CDKL1: variants seen among roughly 807,000 people sequenced by gnomAD.
CDKL1 encodes the protein cyclin-dependent kinase-like 1.
In CDKL1, 41 loss-of-function variants were observed where a neutral mutation model predicts 42.0. The observed-to-expected ratio is 0.98, with a 90% CI of 0.76 to 1.27. The LOEUF (loss-of-function observed/expected upper bound fraction) is 1.27. Ranked by LOEUF, CDKL1 falls within the 50% of genes most tolerant of loss-of-function variation. CDKL1 has a pLI of 0.00. For missense variants in CDKL1, 394 were observed against 428.4 expected, an observed-to-expected ratio of 0.92 and a Z score of 0.71; for synonymous variants, 153 against 158.6, an observed-to-expected ratio of 0.96 and a Z score of 0.26.
chr14:50,350,083 C>CT (rs1329507095), intron 3 of CDKL1, among the ~76,000 whole-genome samples: 4 of 152,046 alleles, frequency 2.6e-5, no homozygotes, highest in South Asian at 2.1e-4. Context: ...TTGGCCAATA[C>CT]TTTTTTTGCA....
Position 50,327,651 on chromosome 14 carries a change from G to C in CDKL1, c.*2423C>G, listed in dbSNP as rs2032760930. 1.3e-5 allele frequency: 2 copies of C among 151,982 alleles called. No individual in the cohort carries two copies. The highest frequency in any genetic ancestry group is 1.3e-4 in the Admixed American group (2 of 15,246). 9.4% of individuals were successfully genotyped at this position (151,982 alleles called of 1,614,324 possible). A position where few individuals can be genotyped will look rare whatever the true frequency, so the allele number is the denominator to read the frequency against. On this transcript the variant is annotated 3_prime_UTR_variant, in exon 10 of 10. Transcript: ENST00000395834. ...AGCTAATTTTTGTACTTTTAGTAGA[G>C]ACAGGGTTTCACCATCTTGGCCAGA... is the stretch of plus-strand genomic sequence containing the variant.
intron 2 of CDKL1, among the ~76,000 whole-genome samples, chr14:50,362,577 A>G (rs971280717): frequency 1.3e-5 from 2 of 152,080 alleles, no homozygotes; most frequent in Admixed American, 1.3e-4. Context: ...AAATACACCA[A>G]TCAGCACCCT....
At chr14:50,385,803 C>CAAAAAAA in intron 2 of CDKL1, among the ~76,000 whole-genome samples, 1 of 77,570 alleles carries the variant, frequency 1.3e-5, no homozygotes, top group Non-Finnish European at 2.5e-5. Context: ...GACTCCGTCC[C>CAAAAAAA]AAAAAAAAAA....
chr14:50,381,284 G>A (rs1222926776), intron 2 of CDKL1, among the ~76,000 whole-genome samples: 1 of 152,206 alleles, frequency 6.6e-6, no homozygotes, highest in Admixed American at 6.5e-5. Context: ...AGGACATCAA[G>A]TGACTGAGTA....
Position 50,345,020 on chromosome 14 carries a change from G to C in CDKL1, c.329C>G (p.Thr110Arg). 1.2e-6 allele frequency: 2 copies of C among 1,614,016 alleles called. No individual in the cohort carries two copies. Among genetic ancestry groups the C allele is most frequent in the South Asian group, 2.2e-5 (2 of 91,072 alleles). The part of the protein sequence containing the change: ...EHLVKSITWQ[T>R]LQAVNFCHKH... Reference sequence around the variant, plus strand: ...ATGGCAAAAATTTACAGCTTGCAGTGTCTGCCAAGTTATGCTCTTCACGAG... The same window carrying C: ...ATGGCAAAAATTTACAGCTTGCAGTCTCTGCCAAGTTATGCTCTTCACGAG... The change falls in exon 4 of 10, where the codon ACA becomes AGA. Residue 110 changes from threonine (T) to arginine (R), a missense_variant. Coordinates refer to ENST00000395834, the MANE Select transcript of CDKL1 (RefSeq NM_004196.7).
intron 9 of CDKL1, 74 bp from the exon 10 acceptor site, chr14:50,330,255 A>G (rs1272492399): frequency 7.2e-6 from 11 of 1,528,444 alleles, no homozygotes; most frequent in Non-Finnish European, 9.6e-6. Context: ...ATATATCACA[A>G]AAGAGGTAAT....
chr14:50,332,376 G>GTGA lies in CDKL1; in HGVS notation c.849_851dup (p.His284dup), dbSNP rs759669451. On this transcript the variant is annotated inframe_insertion, in exon 9 of 10. Transcript: ENST00000395834. ...TTTCTCTGATGTTTTCAAAATATGGGTGATGCAACAGCTGTTCACATGTCA... is the reference window on the plus strand; with the variant it reads ...TTTCTCTGATGTTTTCAAAATATGGGTGATGATGCAACAGCTGTTCACATGTCA... 6.2e-7 allele frequency: 1 copy of GTGA among 1,614,160 alleles called. No individual in the cohort carries two copies. The highest frequency in any genetic ancestry group is 8.5e-7 in the Non-Finnish European group (1 of 1,180,044).
chr14:50,391,514 C>A (rs1291365976), intron 2 of CDKL1, among the ~76,000 whole-genome samples: 2 of 152,142 alleles, frequency 1.3e-5, no homozygotes, highest in African/African-American at 4.8e-5. Flanking sequence ...TCCCAAGTAG[C>A]TGGGATTACA....
At chr14:50,394,683 T>C (rs2139560742) in intron 2 of CDKL1, among the ~76,000 whole-genome samples, 1 of 152,330 alleles carries the variant, frequency 6.6e-6, no homozygotes, top group East Asian at 1.9e-4. Flanking sequence ...CTCCACCATA[T>C]TCATTACATG....
At chr14:50,349,361 G>A (rs543668686) in intron 3 of CDKL1, among the ~76,000 whole-genome samples, 8 of 152,328 alleles carry the variant, frequency 5.3e-5, no homozygotes, top group African/African-American at 1.7e-4. Flanking sequence ...ATTTGTTCCT[G>A]TACCTCTCAT....
chr14:50,366,682 G>A (rs980634684), intron 2 of CDKL1, among the ~76,000 whole-genome samples: 8 of 152,206 alleles, frequency 5.3e-5, no homozygotes, highest in Admixed American at 2.6e-4. Context: ...CAGGGTAGTC[G>A]GTGAGAAGCA....
chr14:50,346,397 A>G (rs1475334058), intron 3 of CDKL1, among the ~76,000 whole-genome samples: 1 of 152,166 alleles, frequency 6.6e-6, no homozygotes, highest in East Asian at 1.9e-4. Context: ...CTGTCGAGAA[A>G]AAAGGCTTAG....
At chr14:50,333,825 T>C (rs546163470) in intron 8 of CDKL1, 38 of 151,952 alleles carry the variant, frequency 2.5e-4, no homozygotes, top group African/African-American at 8.9e-4. Flanking sequence ...GGACATTGAC[T>C]GTAACTTGCA....
At chr14:50,388,748 T>G (rs1325204770) in intron 2 of CDKL1, among the ~76,000 whole-genome samples, 1 of 152,124 alleles carries the variant, frequency 6.6e-6, no homozygotes, top group African/African-American at 2.4e-5. Flanking sequence ...CACGCCAGGC[T>G]CCAGGAAGCA....
At position 50,329,918 on chromosome 14, in the gene CDKL1, T is replaced by C. The variant is rs976270135; in HGVS notation, c.*156A>G. On this transcript the variant is annotated 3_prime_UTR_variant, in exon 10 of 10. Coordinates refer to ENST00000395834, the MANE Select transcript of CDKL1 (RefSeq NM_004196.7). Reference sequence around the variant, plus strand: ...AGCATGGAAGACTGGATCTGGAATTTCCCTTCATATCTTGCCAGTTGGCCT... The same window carrying C: ...AGCATGGAAGACTGGATCTGGAATTCCCCTTCATATCTTGCCAGTTGGCCT... 6.0e-6 allele frequency: 5 copies of C among 838,428 alleles called. No homozygotes were observed. Among genetic ancestry groups the C allele is most frequent in the African/African-American group, 1.8e-5 (1 of 56,818 alleles). The allele number at this position is 838,428 out of a possible 1,614,324, so 51.9% of individuals were successfully genotyped here.
In CDKL1 at chr14:50,395,665, T is replaced by C. The variant is rs749513058; in HGVS notation, c.168+36A>G. On this transcript the variant is annotated intron_variant, in intron 2 of 9. Coordinates refer to ENST00000395834, the MANE Select transcript of CDKL1 (RefSeq NM_004196.7). Reference sequence around the variant, plus strand: ...CTGGGAGACAGAGTGAAACCCTGTCTCGAAAAAGAAAAAAAAGGAAAAGTG... The same window carrying C: ...CTGGGAGACAGAGTGAAACCCTGTCCCGAAAAAGAAAAAAAAGGAAAAGTG... 4.8e-6 allele frequency: 7 copies of C among 1,455,458 alleles called. No homozygotes were observed. The South Asian group carries it at 8.1e-5, about 17-fold the overall frequency. The allele number at this position is 1,455,458 out of a possible 1,614,324, so 90.2% of individuals were successfully genotyped here.
rs148712966 is a variant in CDKL1 at position 50,359,098 on chromosome 14, G to A, written c.220C>T (p.Arg74Trp). Residue 74 changes from arginine (R) to tryptophan (W), a missense_variant, in exon 3 of 10, where the codon CGG (arginine) becomes TGG (tryptophan). Physicochemically the swap from Arg to Trp is moderately radical, Grantham distance 101. Transcript: ENST00000395834. ...VNLLEVFRRK[R>W]RLHLVFEYCD... is the part of the protein sequence containing the mutation. ...TATTCAAACACCAGGTGAAGCCTCC[G>A]TTTCCTCCTGAAGACTTCCAGGAGG... 2.5e-5 allele frequency: 40 copies of A among 1,612,952 alleles called. No individual in the cohort carries two copies. Among genetic ancestry groups the A allele is most frequent in the Admixed American group, 6.7e-5 (4 of 59,994 alleles).
chr14:50,354,314 T>C (rs776047439), intron 3 of CDKL1, among the ~76,000 whole-genome samples: 1 of 152,156 alleles, frequency 6.6e-6, no homozygotes, highest in Non-Finnish European at 1.5e-5. Context: ...TCATTTTTAA[T>C]CTAAAAAAGA....
intron 2 of CDKL1, among the ~76,000 whole-genome samples, chr14:50,391,579 C>T (rs1046232267): frequency 6.6e-6 from 1 of 152,102 alleles, no homozygotes; most frequent in Non-Finnish European, 1.5e-5. Flanking sequence ...GATGGGGTTT[C>T]ACCATGTTGG....
Sources: gnomAD v4.1 joint callset for allele counts (sites outside exome capture counted in the v4.1 genomes callset) on GRCh38, gnomAD v4.1.1 for gene constraint, MANE v1.5 for transcripts, NCBI Gene and HGNC (gene_info 2026-07-23, HGNC 2026-07-21) for gene names.